ANKS1B: variants seen among roughly 807,000 people sequenced by gnomAD.
ANKS1B encodes the protein ankyrin repeat and sterile alpha motif domain containing 1B.
ANKS1B carries 36 observed loss-of-function variants against 148.3 expected under a neutral mutation model. That is an observed-to-expected ratio of 0.24 (90% CI 0.19 to 0.32). The LOEUF (loss-of-function observed/expected upper bound fraction) is 0.32, where lower values mean the gene tolerates loss of function less well. ANKS1B is among the 10% of genes least tolerant of loss of function. ANKS1B has a pLI of 1.00. For synonymous variants in ANKS1B, 542 were observed against 560.8 expected (o/e 0.97, Z 0.47); for missense variants, 1,157 against 1,542.6 (o/e 0.75, Z 4.19).
chr12:99,417,425 A>G (rs1014156149), intron 11 of ANKS1B, among the ~76,000 whole-genome samples: 2 of 152,228 alleles, frequency 1.3e-5, no homozygotes, highest in African/African-American at 4.8e-5. Flanking sequence ...CTTCACTGAT[A>G]ATACTACATT....
chr12:99,812,902 A>G (rs2068611708), intron 2 of ANKS1B, among the ~76,000 whole-genome samples: 2 of 151,784 alleles, frequency 1.3e-5, no homozygotes, highest in Admixed American at 1.3e-4. Context: ...AAAGAGAAAG[A>G]AAGTGCAGTA....
chr12:98,743,559 C>T (rs2097822468), downstream of ANKS1B, among the ~76,000 whole-genome samples: 1 of 152,154 alleles, frequency 6.6e-6, no homozygotes, highest in African/African-American at 2.4e-5. Flanking sequence ...GCAGGCCTAG[C>T]CCTTCCTTTT....
chr12:99,389,429 G>C (rs1201178309), intron 12 of ANKS1B, among the ~76,000 whole-genome samples: 3 of 152,118 alleles, frequency 2.0e-5, no homozygotes, highest in African/African-American at 7.2e-5. Flanking sequence ...GGAAGGAGGG[G>C]ATTTTCTCCA....
chr12:99,108,074 A>G (rs1446310938), intron 15 of ANKS1B, among the ~76,000 whole-genome samples: 2 of 152,222 alleles, frequency 1.3e-5, no homozygotes. Flanking sequence ...GTGAGGCTCA[A>G]ATGACCTTAT....
At chr12:99,647,572 G>A (rs2098382809) in intron 9 of ANKS1B, among the ~76,000 whole-genome samples, 1 of 152,156 alleles carries the variant, frequency 6.6e-6, no homozygotes, top group South Asian at 2.1e-4. Context: ...TAGATGGTAG[G>A]TTGGTGGCGG....
chr12:98,878,447 G>A (rs564327270), intron 17 of ANKS1B, among the ~76,000 whole-genome samples: 1 of 152,174 alleles, frequency 6.6e-6, no homozygotes, highest in Non-Finnish European at 1.5e-5. Flanking sequence ...ATACGGGGTT[G>A]TTGACAAAAT....
At position 99,014,361 on chromosome 12, in the gene ANKS1B, C is replaced by A. The variant is rs547889799; in HGVS notation, c.2778+38796G>T. 1.6e-4 allele frequency among the ~76,000 whole-genome samples: 25 copies of A among 152,196 alleles called. 1 individual carries two copies. In the South Asian group the frequency reaches 4.1e-3, roughly 25 times the overall value. On this transcript the variant is annotated intron_variant, in intron 17 of 26. Coordinates refer to ENST00000683438, the MANE Select transcript of ANKS1B (RefSeq NM_001352186.2). ...CTGGATCCCTTCCTTACACGATATA[C>A]AAAAACTAACTCAAGATGAATTAAA... is the stretch of plus-strand genomic sequence containing the variant.
At chr12:99,140,432 A>G (rs1445634783) in intron 15 of ANKS1B, among the ~76,000 whole-genome samples, 1 of 152,182 alleles carries the variant, frequency 6.6e-6, no homozygotes, top group Non-Finnish European at 1.5e-5. Context: ...ATATATTATG[A>G]GGGTAAGAGC....
At chr12:99,693,457 G>C (rs2053427507) in intron 8 of ANKS1B, among the ~76,000 whole-genome samples, 3 of 152,188 alleles carry the variant, frequency 2.0e-5, no homozygotes, top group African/African-American at 7.2e-5. Flanking sequence ...ATTGTGTTGT[G>C]ACAGCTGGGG....
At chr12:99,186,880 C>T (rs1029311274) in intron 14 of ANKS1B, among the ~76,000 whole-genome samples, 9 of 151,816 alleles carry the variant, frequency 5.9e-5, no homozygotes, top group South Asian at 2.1e-4. Flanking sequence ...ATGAGTTTGA[C>T]GAATTGACAG....
chr12:99,678,269 A>G (rs1413440304), intron 8 of ANKS1B, among the ~76,000 whole-genome samples: 1 of 152,166 alleles, frequency 6.6e-6, no homozygotes, highest in Non-Finnish European at 1.5e-5. Flanking sequence ...TGATTCCAGG[A>G]AGATGGCAGC....
intron 17 of ANKS1B, among the ~76,000 whole-genome samples, chr12:98,951,327 C>T (rs1050168960): frequency 6.6e-6 from 1 of 152,132 alleles, no homozygotes; most frequent in Admixed American, 6.6e-5. Context: ...AATTAATTTC[C>T]TTTGGAAGAA....
intron 11 of ANKS1B, among the ~76,000 whole-genome samples, chr12:99,430,208 G>C (rs148935848): frequency 6.6e-6 from 1 of 152,282 alleles, no homozygotes; most frequent in East Asian, 1.9e-4. Flanking sequence ...AAGTAGAAGA[G>C]ATGACATCAA....
chr12:99,565,351 T>C (rs2097378107), intron 9 of ANKS1B, among the ~76,000 whole-genome samples: 1 of 152,102 alleles, frequency 6.6e-6, no homozygotes, highest in Non-Finnish European at 1.5e-5. Context: ...CTTCCATATA[T>C]GGACCCATGA....
chr12:99,279,327 G>A (rs2078084085), intron 12 of ANKS1B, among the ~76,000 whole-genome samples: 1 of 152,182 alleles, frequency 6.6e-6, no homozygotes, highest in African/African-American at 2.4e-5. Flanking sequence ...TCTACATACT[G>A]TAAAATTCAT....
Position 98,764,266 on chromosome 12 carries a change from A to G in ANKS1B, c.3579+8776T>C, listed in dbSNP as rs369898360. Among the ~76,000 whole-genome samples the G allele has an allele frequency of 4.6e-5, 7 of 152,268 alleles. No homozygotes were observed. The East Asian group carries it at 9.7e-4, about 21-fold the overall frequency. ...TTTCAAGACAGGGTCTCACTGTGTTACCCAGGCTGGAGTGCAGTGGCACGA... is the reference window on the plus strand; with the variant it reads ...TTTCAAGACAGGGTCTCACTGTGTTGCCCAGGCTGGAGTGCAGTGGCACGA... On this transcript the variant is annotated intron_variant, in intron 25 of 26. Coordinates refer to ENST00000683438, the MANE Select transcript of ANKS1B (RefSeq NM_001352186.2).
intron 25 of ANKS1B, among the ~76,000 whole-genome samples, chr12:98,754,758 A>G (rs924555468): frequency 2.6e-5 from 4 of 152,220 alleles, no homozygotes; most frequent in Non-Finnish European, 5.9e-5. Context: ...TGGGAAGCCT[A>G]AAGGTTTTGG....
At chr12:99,490,978 T>C (rs904552721) in intron 10 of ANKS1B, among the ~76,000 whole-genome samples, 2 of 152,250 alleles carry the variant, frequency 1.3e-5, no homozygotes, top group Non-Finnish European at 2.9e-5. Context: ...TAATGTTGTA[T>C]GCAGCAGCTG....
At chr12:99,481,092 A>G (rs543812359) in intron 10 of ANKS1B, among the ~76,000 whole-genome samples, 2 of 151,710 alleles carry the variant, frequency 1.3e-5, no homozygotes, top group Non-Finnish European at 1.5e-5. Context: ...CATGAATTAT[A>G]TAGTGGTGAA....
Sources: allele counts gnomAD v4.1 joint callset (sites outside exome capture counted in the v4.1 genomes callset), GRCh38; gene constraint gnomAD v4.1.1; transcripts MANE v1.5; gene names NCBI Gene and HGNC (gene_info 2026-07-23, HGNC 2026-07-21).